XKR6: variants seen among roughly 807,000 people sequenced by gnomAD.
XKR6 encodes the protein XK-related protein 6.
XKR6 carries 22 observed loss-of-function variants against 56.7 expected under a neutral mutation model. That is an observed-to-expected ratio of 0.39 (90% CI 0.28 to 0.55). The LOEUF (loss-of-function observed/expected upper bound fraction) is 0.55. Ranked by LOEUF, XKR6 falls within the 20% of genes least tolerant of loss-of-function variation. XKR6 has a pLI of 0.66. For missense variants in XKR6, 852 were observed against 889.0 expected (o/e 0.96, Z 0.53); for synonymous variants, 524 against 387.8 (o/e 1.35, Z -4.13).
At chr8:11,085,128 C>A (rs1052364488) in intron 1 of XKR6, among the ~76,000 whole-genome samples, 4 of 152,132 alleles carry the variant, frequency 2.6e-5, no homozygotes, top group Non-Finnish European at 4.4e-5. Flanking sequence ...ACTCCCTGGC[C>A]TCCCAGGCAC....
At chr8:11,009,291 G>A (rs1387444598) in intron 1 of XKR6, among the ~76,000 whole-genome samples, 2 of 152,156 alleles carry the variant, frequency 1.3e-5, no homozygotes, top group Non-Finnish European at 2.9e-5. Context: ...TGAGCAGATT[G>A]CTTGAGCCCA....
chr8:11,194,425 A>C (rs1803755790), intron 1 of XKR6: 1 of 152,232 alleles, frequency 6.6e-6, no homozygotes, highest in Admixed American at 6.5e-5. Context: ...GCAATTAGTC[A>C]AAAGTCAATG....
chr8:11,108,434 A>G (rs1235968389), intron 1 of XKR6: 1 of 431,060 alleles, frequency 2.3e-6, no homozygotes, highest in Non-Finnish European at 4.6e-6. Context: ...AAATCTTCAT[A>G]ATTGTTAGAA....
chr8:10,963,041 C>T (rs1048492616), intron 1 of XKR6, among the ~76,000 whole-genome samples: 6 of 152,180 alleles, frequency 3.9e-5, no homozygotes, highest in South Asian at 2.1e-4. Flanking sequence ...GGCTCCTGCC[C>T]GGCACCCCTG....
At position 11,036,700 on chromosome 8, in the gene XKR6, A is replaced by G. The variant is rs141853323; in HGVS notation, c.765-111870T>C. ...GGAGGGTTCAACAGAAGTTTAAGGC[A>G]CATTTTCATTATGTTGACGTAACTG... On this transcript the variant is annotated intron_variant, in intron 1 of 2. Coordinates refer to ENST00000416569, the MANE Select transcript of XKR6 (RefSeq NM_173683.4). Among the ~76,000 whole-genome samples, 501 of 152,376 alleles carry G rather than the reference A, an allele frequency of 3.3e-3. 3 individuals are homozygous for G. The highest frequency in any genetic ancestry group is 0.012 in the African/African-American group (484 of 41,582).
chr8:10,973,248 C>T (rs1227837773), intron 1 of XKR6, among the ~76,000 whole-genome samples: 1 of 152,126 alleles, frequency 6.6e-6, no homozygotes, highest in Non-Finnish European at 1.5e-5. Flanking sequence ...CATATATGTC[C>T]CAGTGTCTTA....
chr8:10,990,062 G>C, intron 1 of XKR6, among the ~76,000 whole-genome samples: 1 of 152,222 alleles, frequency 6.6e-6, no homozygotes, highest in Non-Finnish European at 1.5e-5. Flanking sequence ...TTATCTCCCA[G>C]ACAGCAGTGG....
At chr8:11,087,570 G>C (rs1204623230) in intron 1 of XKR6, among the ~76,000 whole-genome samples, 1 of 152,114 alleles carries the variant, frequency 6.6e-6, no homozygotes, top group Non-Finnish European at 1.5e-5. Context: ...TCTGGACATG[G>C]TCAGGTCTCA....
Position 11,038,500 on chromosome 8 carries a change from TG to T in XKR6, c.765-113671del, listed in dbSNP as rs1799202760. Among the ~76,000 whole-genome samples the T allele has an allele frequency of 1.3e-4, 4 of 30,112 alleles. No individual in the cohort carries two copies. In the African/African-American group the frequency reaches 2.0e-3, roughly 15 times the overall value. 19.8% of individuals were successfully genotyped at this position (30,112 alleles called of 152,430 possible). A position where few individuals can be genotyped will look rare whatever the true frequency, so the allele number is the denominator to read the frequency against. The stretch of plus-strand genomic sequence containing the variant: ...CAGATAAGTAATTGTAGTCATTTTG[TG>T]TGTGTGTGTGTGTGTGTGTGTGTGT... On this transcript the variant is annotated intron_variant, in intron 1 of 2. Coordinates refer to ENST00000416569, the MANE Select transcript of XKR6 (RefSeq NM_173683.4).
At chr8:11,032,450 A>G (rs1035597582) in intron 1 of XKR6, among the ~76,000 whole-genome samples, 3 of 152,230 alleles carry the variant, frequency 2.0e-5, no homozygotes, top group Non-Finnish European at 4.4e-5. Flanking sequence ...TCAGCTACGC[A>G]TGCTATTTTC....
intron 1 of XKR6, among the ~76,000 whole-genome samples, chr8:11,051,960 A>C (rs1404898104): frequency 6.6e-6 from 1 of 152,202 alleles, no homozygotes; most frequent in African/African-American, 2.4e-5. Flanking sequence ...CGTGTTGCAC[A>C]GGTATGCGTG....
At chr8:11,044,248 G>A (rs1327875697) in intron 1 of XKR6, among the ~76,000 whole-genome samples, 1 of 152,180 alleles carries the variant, frequency 6.6e-6, no homozygotes, top group Non-Finnish European at 1.5e-5. Context: ...TAAATGTTAA[G>A]TCTCCAACCA....
At chr8:11,191,921 T>C (rs948797500) in intron 1 of XKR6, among the ~76,000 whole-genome samples, 2 of 152,148 alleles carry the variant, frequency 1.3e-5, no homozygotes, top group Non-Finnish European at 2.9e-5. Flanking sequence ...AATAATATTG[T>C]AGCTTTGTAG....
Position 10,992,910 on chromosome 8 carries a change from G to A in XKR6, c.765-68080C>T, listed in dbSNP as rs537413479. ...AATGGTGCTAACCAACCACCACGCC[G>A]AGCTGAGGTGGCAAACTACCTGAGA... On this transcript the variant is annotated intron_variant, in intron 1 of 2. Transcript: ENST00000416569. Among the ~76,000 whole-genome samples, 12 of 152,316 alleles carry A rather than the reference G, an allele frequency of 7.9e-5. 1 individual carries two copies. Among genetic ancestry groups the A allele is most frequent in the African/African-American group, 2.4e-4 (10 of 41,566 alleles).
intron 1 of XKR6, among the ~76,000 whole-genome samples, chr8:10,938,025 TCA>T (rs1387995032): frequency 6.6e-6 from 1 of 152,048 alleles, no homozygotes; most frequent in Admixed American, 6.5e-5. Flanking sequence ...CAGTTTGATC[TCA>T]GACTGCTGTG....
intron 1 of XKR6, among the ~76,000 whole-genome samples, chr8:11,028,843 G>A (rs569205747): frequency 1.0e-3 from 158 of 152,252 alleles, no homozygotes; most frequent in African/African-American, 3.6e-3. Flanking sequence ...ACAGGACAAC[G>A]GGGTCTCAGA....
intron 1 of XKR6, among the ~76,000 whole-genome samples, chr8:11,034,735 C>T (rs1460724574): frequency 6.6e-6 from 1 of 152,168 alleles, no homozygotes; most frequent in Non-Finnish European, 1.5e-5. Flanking sequence ...CATTCTCTTA[C>T]CTCCCTCCTG....
At chr8:11,179,558 C>T (rs1368886410) in intron 1 of XKR6, among the ~76,000 whole-genome samples, 1 of 152,148 alleles carries the variant, frequency 6.6e-6, no homozygotes, top group African/African-American at 2.4e-5. Flanking sequence ...TGTCTCTCCT[C>T]CCTCAAAACA....
At chr8:10,970,238 G>T (rs766680420) in intron 1 of XKR6, among the ~76,000 whole-genome samples, 3 of 152,232 alleles carry the variant, frequency 2.0e-5, no homozygotes, top group Non-Finnish European at 4.4e-5. Flanking sequence ...AGACATATCT[G>T]CCATCCAAGA....
Sources: gnomAD v4.1 joint callset for allele counts (sites outside exome capture counted in the v4.1 genomes callset) on GRCh38, gnomAD v4.1.1 for gene constraint, MANE v1.5 for transcripts, NCBI Gene and HGNC (gene_info 2026-07-23, HGNC 2026-07-21) for gene names.